Variants in DDAH1 observed in about 807,000 individuals in gnomAD.
The protein encoded by DDAH1 is N(G),N(G)-dimethylarginine dimethylaminohydrolase 1.
A neutral mutation model predicts 28.8 loss-of-function variants in DDAH1; 19 were observed. The ratio of observed to expected loss-of-function variants is 0.66; its 90% CI spans 0.46 to 0.97. DDAH1 has a LOEUF of 0.97. Ranked by LOEUF, DDAH1 falls within the 50% of genes least tolerant of loss-of-function variation. DDAH1 has a pLI of 0.00. For missense variants in DDAH1, 326 were observed against 375.9 expected (o/e 0.87, Z 1.10); for synonymous variants, 153 against 154.4 (o/e 0.99, Z 0.07).
chr1:85,412,248 C>T (rs1414502328), intron 1 of DDAH1, among the ~76,000 whole-genome samples: 1 of 152,212 alleles, frequency 6.6e-6, no homozygotes, highest in African/African-American at 2.4e-5. Flanking sequence ...TCTACTATGT[C>T]ATGCTAGAGG....
chr1:85,449,792 AG>A (rs1372607254), intron 1 of DDAH1, among the ~76,000 whole-genome samples: 2 of 152,198 alleles, frequency 1.3e-5, no homozygotes, highest in African/African-American at 4.8e-5. Context: ...CAGCAGGAAC[AG>A]GTGGCAGATG....
chr1:85,515,691 T>C (rs1657444266), intron 1 of DDAH1, among the ~76,000 whole-genome samples: 1 of 151,988 alleles, frequency 6.6e-6, no homozygotes, highest in Admixed American at 6.5e-5. Context: ...TTTAGAAACC[T>C]GAGTATGACT....
chr1:85,352,576 T>G (rs1312303816), intron 2 of DDAH1, among the ~76,000 whole-genome samples: 1 of 152,172 alleles, frequency 6.6e-6, no homozygotes, highest in Non-Finnish European at 1.5e-5. Flanking sequence ...ATTCCCTGAT[T>G]TAACCCACCA....
At chr1:85,478,656 G>A (rs1262580831) in intron 2 of DDAH1, among the ~76,000 whole-genome samples, 3 of 152,146 alleles carry the variant, frequency 2.0e-5, no homozygotes, top group Non-Finnish European at 4.4e-5. Flanking sequence ...GATGATATTC[G>A]GGTGGGGACA....
intron 1 of DDAH1, among the ~76,000 whole-genome samples, chr1:85,413,889 T>A (rs1173527386): frequency 6.6e-6 from 1 of 152,234 alleles, no homozygotes; most frequent in African/African-American, 2.4e-5. Flanking sequence ...GTAACTCATA[T>A]CAAATGCAAA....
chr1:85,372,669 A>T (rs1448080013), intron 1 of DDAH1, among the ~76,000 whole-genome samples: 1 of 152,198 alleles, frequency 6.6e-6, no homozygotes, highest in Admixed American at 6.6e-5. Context: ...TGGAGGAATA[A>T]CCATTAGGAA....
chr1:85,512,470 A>G (rs1657280270), intron 1 of DDAH1, among the ~76,000 whole-genome samples: 1 of 152,206 alleles, frequency 6.6e-6, no homozygotes, highest in African/African-American at 2.4e-5. Flanking sequence ...CACCACTCCT[A>G]TTCAACATAG....
chr1:85,400,177 CTTTTTTTTTTT>C lies in DDAH1; in HGVS notation c.304-41341_304-41331del, dbSNP rs61677601. Among the ~76,000 whole-genome samples the C allele has an allele frequency of 7.6e-4, 42 of 54,960 alleles. 1 individual carries two copies. Among genetic ancestry groups the C allele is most frequent in the Non-Finnish European group, 1.4e-3 (35 of 24,732 alleles). The allele number at this position is 54,960 out of a possible 152,430, so 36.1% of individuals were successfully genotyped here. ...TGCAGGAATTCCTTTCTTTTCTTTT[CTTTTTTTTTTT>C]TTTTTTTTTTTTTTTTTTTTGAGAC... is the stretch of plus-strand genomic sequence containing the variant. On this transcript the variant is annotated intron_variant, in intron 1 of 5. Transcript: ENST00000284031.
At chr1:85,515,016 T>TACACACAC (rs3058833) in intron 1 of DDAH1, among the ~76,000 whole-genome samples, 2 of 48,258 alleles carry the variant, frequency 4.1e-5, no homozygotes, top group African/African-American at 1.3e-4. Flanking sequence ...AGAGCTAGAA[T>TACACACAC]ACACACACAC....
intron 1 of DDAH1, among the ~76,000 whole-genome samples, chr1:85,553,429 A>G (rs550774308): frequency 6.6e-6 from 1 of 152,354 alleles, no homozygotes; most frequent in Admixed American, 6.5e-5. Flanking sequence ...ACTGTTCAAG[A>G]TTAAAACTTT....
intron 4 of DDAH1, among the ~76,000 whole-genome samples, chr1:85,350,137 T>G (rs1046010966): frequency 7.9e-5 from 12 of 152,098 alleles, no homozygotes; most frequent in Non-Finnish European, 2.9e-5. Flanking sequence ...GGGATAATGT[T>G]GATGAGTTTG....
chr1:85,423,143 T>C (rs1244885680), intron 1 of DDAH1, among the ~76,000 whole-genome samples: 1 of 152,196 alleles, frequency 6.6e-6, no homozygotes, highest in Non-Finnish European at 1.5e-5. Flanking sequence ...GCCTATTTTA[T>C]CACCAATATA....
chr1:85,492,573 A>G (rs1656444333), intron 2 of DDAH1, among the ~76,000 whole-genome samples: 1 of 152,198 alleles, frequency 6.6e-6, no homozygotes, highest in African/African-American at 2.4e-5. Flanking sequence ...TGATATCAGC[A>G]CGTGGAATTT....
At chr1:85,331,423 G>GTATATGTATATATA (rs1647756459) in intron 4 of DDAH1, among the ~76,000 whole-genome samples, 1 of 148,506 alleles carries the variant, frequency 6.7e-6, no homozygotes, top group Admixed American at 6.7e-5. Context: ...ATTCATATAT[G>GTATATGTATATATA]TATATATATA....
chr1:85,471,741 A>G (rs985091738), intron 2 of DDAH1, among the ~76,000 whole-genome samples: 5 of 152,196 alleles, frequency 3.3e-5, no homozygotes, highest in Non-Finnish European at 5.9e-5. Flanking sequence ...CAAATGAGAT[A>G]ACATAAAGTG....
intron 1 of DDAH1, among the ~76,000 whole-genome samples, chr1:85,551,327 A>G (rs1298766610): frequency 2.6e-5 from 4 of 152,200 alleles, no homozygotes; most frequent in Non-Finnish European, 5.9e-5. Context: ...AGGTTTGTGA[A>G]CAGAGCTCTA....
chr1:85,505,147 G>A (rs938985841), intron 1 of DDAH1, among the ~76,000 whole-genome samples: 5 of 151,568 alleles, frequency 3.3e-5, no homozygotes, highest in East Asian at 1.9e-4. Flanking sequence ...CACCATGCCC[G>A]GCTGATTTTT....
At chr1:85,433,610 T>C (rs1653805294) in intron 1 of DDAH1, among the ~76,000 whole-genome samples, 1 of 152,182 alleles carries the variant, frequency 6.6e-6, no homozygotes. Context: ...ATTCTTAAGC[T>C]GGAAAAAAAT....
Position 85,436,532 on chromosome 1 carries a change from A to C in DDAH1, c.303+28211T>G, listed in dbSNP as rs1282501360. On this transcript the variant is annotated intron_variant, in intron 1 of 5. Transcript: ENST00000284031. ...GCTGATGTGAAAACATATATGCTAT[A>C]GCAATCTGGGACACTATGAACCTCA... Among the ~76,000 whole-genome samples, 4 of 152,242 alleles carry C rather than the reference A, an allele frequency of 2.6e-5. No individual in the cohort carries two copies. In the East Asian group the frequency reaches 5.8e-4, roughly 22 times the overall value.
Sources: allele counts gnomAD v4.1 joint callset (sites outside exome capture counted in the v4.1 genomes callset), GRCh38; gene constraint gnomAD v4.1.1; transcripts MANE v1.5; gene names NCBI Gene and HGNC (gene_info 2026-07-23, HGNC 2026-07-21).